The following CFAP210 variants were observed in gnomAD, a reference collection of about 807,000 sequenced individuals.
CFAP210 encodes cilia- and flagella- associated protein 210.
At chr2:169,660,126 T>C in the CFAP210 span, among the ~76,000 whole-genome samples, 1 of 152,054 alleles carries the variant, frequency 6.6e-6, no homozygotes, top group East Asian at 1.9e-4. Context: ...CGGTGGCTCA[T>C]GCCTGCAATC....
At chr2:169,646,115 G>A in the CFAP210 span, 17 of 1,613,798 alleles carry the variant, frequency 1.1e-5, no homozygotes, top group Admixed American at 1.3e-4. Flanking sequence ...AGCCACAAGA[G>A]CTTCAGTAAG....
chr2:169,654,105 A>T, the CFAP210 span: 1 of 1,610,048 alleles, frequency 6.2e-7, no homozygotes, highest in East Asian at 2.2e-5. Flanking sequence ...TTCTTTCCCC[A>T]TTTGTATAAG....
the CFAP210 span, among the ~76,000 whole-genome samples, chr2:169,691,461 G>T: frequency 1.3e-5 from 2 of 151,710 alleles, no homozygotes; most frequent in Admixed American, 6.6e-5. Context: ...AGGTCAGTTG[G>T]GGGGGCAGTC....
At chr2:169,649,803 T>A in the CFAP210 span, among the ~76,000 whole-genome samples, 1 of 151,966 alleles carries the variant, frequency 6.6e-6, no homozygotes, top group South Asian at 2.1e-4. Context: ...TGGTGGCGCA[T>A]GCCTGTAATC....
the CFAP210 span, among the ~76,000 whole-genome samples, chr2:169,684,194 G>C: frequency 6.6e-6 from 1 of 152,060 alleles, no homozygotes; most frequent in Admixed American, 6.6e-5. Flanking sequence ...AATATAAATA[G>C]GCAGACTCGC....
At chr2:169,655,366 A>C in the CFAP210 span, among the ~76,000 whole-genome samples, 2 of 152,184 alleles carry the variant, frequency 1.3e-5, no homozygotes, top group African/African-American at 2.4e-5. Flanking sequence ...TTAATCTTCC[A>C]ATATATTTAT....
At chr2:169,660,765 CTATTTTTTG>C in the CFAP210 span, 1 of 235,968 alleles carries the variant, frequency 4.2e-6, no homozygotes, top group African/African-American at 2.3e-5. Context: ...CCCTGCCTGG[CTATTTTTTG>C]TATTTTTTGT....
chr2:169,681,198 G>A, the CFAP210 span: 1 of 1,613,504 alleles, frequency 6.2e-7, no homozygotes, highest in South Asian at 1.1e-5. Flanking sequence ...AGAAGAGGCA[G>A]ATAGAGAACT....
chr2:169,662,522 T>A, the CFAP210 span: 1 of 1,191,078 alleles, frequency 8.4e-7, no homozygotes, highest in South Asian at 1.6e-5. Context: ...CAACCTGGAA[T>A]GAGTTGAAGC....
chr2:169,667,678 T>C, the CFAP210 span, among the ~76,000 whole-genome samples: 1 of 152,146 alleles, frequency 6.6e-6, no homozygotes, highest in African/African-American at 2.4e-5. Context: ...CAGAACTTAT[T>C]ACTGCTCATT....
At chr2:169,671,281 T>C in the CFAP210 span, among the ~76,000 whole-genome samples, 61,952 of 151,942 alleles carry the variant, frequency 0.41, 12,910 homozygotes, top group Non-Finnish European at 0.44. Flanking sequence ...ACAGCCCACT[T>C]TTAGCATGGC....
the CFAP210 span, among the ~76,000 whole-genome samples, chr2:169,693,113 C>T: frequency 6.6e-6 from 1 of 152,198 alleles, no homozygotes; most frequent in African/African-American, 2.4e-5. Flanking sequence ...GATCCTATTT[C>T]ACCATTCTGG....
chr2:169,667,135 C>CTTTTTTTTTTTTTTTTTTTTT, the CFAP210 span, among the ~76,000 whole-genome samples: 1 of 120,284 alleles, frequency 8.3e-6, no homozygotes, highest in African/African-American at 3.2e-5. Flanking sequence ...CACAAATTTT[C>CTTTTTTTTTTTTTTTTTTTTT]TTTTTTCTTT....
At chr2:169,645,660 TAAA>T in the CFAP210 span, 2 of 559,406 alleles carry the variant, frequency 3.6e-6, no homozygotes, top group Non-Finnish European at 6.3e-6. Context: ...TTACCACAGT[TAAA>T]AAAAGGAATC....
chr2:169,675,955 A>G, the CFAP210 span, among the ~76,000 whole-genome samples: 2 of 152,070 alleles, frequency 1.3e-5, no homozygotes, highest in Non-Finnish European at 2.9e-5. Context: ...AACCTTGTTT[A>G]CTCTGATATC....
At chr2:169,674,947 T>C in the CFAP210 span, 3 of 1,544,660 alleles carry the variant, frequency 1.9e-6, no homozygotes, top group Non-Finnish European at 2.6e-6. Context: ...TTTCCTTGTT[T>C]GTATATTTCT....
At chr2:169,655,740 A>G in the CFAP210 span, among the ~76,000 whole-genome samples, 1 of 152,224 alleles carries the variant, frequency 6.6e-6, no homozygotes, top group African/African-American at 2.4e-5. Flanking sequence ...CTACTTGGAG[A>G]CATAAAAATT....
the CFAP210 span, among the ~76,000 whole-genome samples, chr2:169,653,280 T>C: frequency 2.0e-5 from 3 of 151,224 alleles, no homozygotes; most frequent in Non-Finnish European, 4.4e-5. Context: ...GAGCATTCCT[T>C]AGAGCAGGCA....
At chr2:169,681,144 C>G in the CFAP210 span, 10 of 1,613,524 alleles carry the variant, frequency 6.2e-6, no homozygotes, top group East Asian at 2.0e-4. Context: ...TTCCACTCAT[C>G]GTGTGGAATT....
Sources: gnomAD v4.1 joint callset for allele counts (sites outside exome capture counted in the v4.1 genomes callset) on GRCh38, gnomAD v4.1.1 for gene constraint, MANE v1.5 for transcripts, NCBI Gene and HGNC (gene_info 2026-07-23, HGNC 2026-07-21) for gene names.